Variants in TBC1D32 observed in about 807,000 individuals in gnomAD.
TBC1D32 encodes protein broad-minded.
In TBC1D32, 151 loss-of-function variants were observed where a neutral mutation model predicts 170.3. The observed-to-expected ratio is 0.89, with a 90% CI of 0.78 to 1.01. The LOEUF (loss-of-function observed/expected upper bound fraction) is 1.01. Ranked by LOEUF, TBC1D32 falls within the 50% of genes least tolerant of loss-of-function variation. TBC1D32 has a pLI of 0.00. For synonymous variants in TBC1D32, 498 were observed against 488.0 expected (o/e 1.02, Z -0.27); for missense variants, 1,464 against 1,457.1 (o/e 1.00, Z -0.08).
At chr6:121,190,098 ACACACACACACAC>A (rs1789767289) in intron 22 of TBC1D32, among the ~76,000 whole-genome samples, 5 of 142,628 alleles carry the variant, frequency 3.5e-5, no homozygotes, top group Non-Finnish European at 6.2e-5. Context: ...ACACACACAC[ACACACACACACAC>A]ACACACACAC....
At chr6:121,110,620 T>C (rs1214779883) in intron 29 of TBC1D32, among the ~76,000 whole-genome samples, 1 of 152,112 alleles carries the variant, frequency 6.6e-6, no homozygotes, top group Non-Finnish European at 1.5e-5. Flanking sequence ...TTTGTTCATA[T>C]TATCAAATTG....
chr6:121,088,566 A>G (rs111454415), intron 31 of TBC1D32, among the ~76,000 whole-genome samples: 1 of 152,182 alleles, frequency 6.6e-6, no homozygotes, highest in Non-Finnish European at 1.5e-5. Flanking sequence ...TACATATTTA[A>G]ATAAACTATA....
At position 121,115,152 on chromosome 6, in the gene TBC1D32, G is replaced by A. The variant is rs75699042; in HGVS notation, c.3053+20C>T. 2.7e-3 allele frequency: 4,254 copies of A among 1,564,330 alleles called. 108 individuals carry two copies. In the African/African-American group the frequency reaches 0.05, roughly 18 times the overall value. On this transcript the variant is annotated intron_variant, in intron 27 of 31. Transcript: ENST00000398212. ...ACAAATTCTAGAAATGCACAAGGGA[G>A]CTATTTCCCTATAATATACCTGACA...
intron 24 of TBC1D32, among the ~76,000 whole-genome samples, chr6:121,155,316 T>C (rs1228266404): frequency 2.0e-5 from 3 of 152,098 alleles, no homozygotes; most frequent in African/African-American, 7.2e-5. Flanking sequence ...TCTATACTGT[T>C]GTATAGAAAA....
chr6:121,171,285 TAAAAG>T (rs999241759), intron 22 of TBC1D32, among the ~76,000 whole-genome samples: 8 of 140,878 alleles, frequency 5.7e-5, no homozygotes, highest in Admixed American at 3.6e-4. Flanking sequence ...CAAAAAGTCT[TAAAAG>T]AAACAGAGAC....
At chr6:121,275,100 G>A (rs1334920895) in intron 15 of TBC1D32, among the ~76,000 whole-genome samples, 1 of 152,170 alleles carries the variant, frequency 6.6e-6, no homozygotes, top group East Asian at 1.9e-4. Context: ...TAAGTCGATT[G>A]CACAACAGTA....
chr6:121,233,079 T>C (rs1583319243), intron 20 of TBC1D32, among the ~76,000 whole-genome samples: 1 of 152,144 alleles, frequency 6.6e-6, no homozygotes, highest in African/African-American at 2.4e-5. Context: ...GAGTACCTGA[T>C]ATAATTTTGA....
In TBC1D32 at chr6:121,316,654, T is replaced by C. The variant is rs1808972130; in HGVS notation, c.495+841A>G. ...GCAATGCACAGCGACTTTTAAGTTA[T>C]GCTTCCACTATTTCCAAAACCAATT... is the stretch of plus-strand genomic sequence containing the variant. On this transcript the variant is annotated intron_variant, in intron 3 of 31. Coordinates refer to ENST00000398212, the MANE Select transcript of TBC1D32 (RefSeq NM_152730.6). Among the ~76,000 whole-genome samples, 4 of 152,288 alleles carry C rather than the reference T, an allele frequency of 2.6e-5. No homozygotes were observed. The South Asian group carries it at 6.2e-4, about 24-fold the overall frequency.
chr6:121,318,623 T>C (rs147784246), intron 2 of TBC1D32, among the ~76,000 whole-genome samples: 11 of 152,084 alleles, frequency 7.2e-5, no homozygotes, highest in Admixed American at 3.9e-4. Context: ...TCTGTCATCA[T>C]AAATAAGTTT....
At chr6:121,267,176 C>T (rs958195628) in intron 15 of TBC1D32, among the ~76,000 whole-genome samples, 13 of 146,750 alleles carry the variant, frequency 8.9e-5, no homozygotes, top group Non-Finnish European at 1.3e-4. Flanking sequence ...TGAATAGGAA[C>T]AGCTCCAGTC....
In TBC1D32 at chr6:121,080,221, T is replaced by A. The variant is rs1460258796; in HGVS notation, c.*550A>T. ...AAGGAGATGTAAGTTGGGACTTTTT[T>A]TTTTTTTTTTTTTTTGAGACAGAGT... On this transcript the variant is annotated 3_prime_UTR_variant, in exon 32 of 32. Coordinates refer to ENST00000398212, the MANE Select transcript of TBC1D32 (RefSeq NM_152730.6). 6.7e-6 allele frequency: 1 copy of A among 149,896 alleles called. No individual in the cohort carries two copies. Among genetic ancestry groups the A allele is most frequent in the Non-Finnish European group, 1.5e-5 (1 of 68,218 alleles). 9.3% of individuals were successfully genotyped at this position (149,896 alleles called of 1,614,324 possible).
chr6:121,118,185 G>A (rs1198346386), intron 26 of TBC1D32, among the ~76,000 whole-genome samples: 3 of 152,068 alleles, frequency 2.0e-5, no homozygotes, highest in African/African-American at 7.2e-5. Flanking sequence ...AGATGGAGAA[G>A]AAAACAGACA....
chr6:121,281,326 T>C (rs1315861892), intron 14 of TBC1D32, among the ~76,000 whole-genome samples: 1 of 151,410 alleles, frequency 6.6e-6, no homozygotes, highest in East Asian at 1.9e-4. Flanking sequence ...AAAAAAAACT[T>C]AGATATTCTA....
In TBC1D32 at chr6:121,306,732, C is replaced by T. The variant is rs147949099; in HGVS notation, c.690+1244G>A. On this transcript the variant is annotated intron_variant, in intron 5 of 31. Transcript: ENST00000398212. ...ACTGCACTTGTTAATGTAAAGCTTA[C>T]TTTTCATCATATGATAACTGTTCCT... Among the ~76,000 whole-genome samples the T allele has an allele frequency of 8.5e-4, 130 of 152,272 alleles. 1 individual carries two copies. The highest frequency in any genetic ancestry group is 2.8e-3 in the African/African-American group (117 of 41,562).
At chr6:121,101,325 G>A (rs1362076510) in intron 30 of TBC1D32, among the ~76,000 whole-genome samples, 1 of 152,078 alleles carries the variant, frequency 6.6e-6, no homozygotes, top group African/African-American at 2.4e-5. Flanking sequence ...GAACATGGAT[G>A]CAAAAATCCT....
chr6:121,112,541 A>G lies in TBC1D32; in HGVS notation c.3288T>C (p.Thr1096=). ...GCCTTGGCAACCAAAGAAAAGCAGAAGTCAGAAGCCTGGAGAATTGATGAA... is the reference window on the plus strand; with the variant it reads ...GCCTTGGCAACCAAAGAAAAGCAGAGGTCAGAAGCCTGGAGAATTGATGAA... ...QFLHQFSRLL[T]SAFLWLPRLH... Residue 1096 remains threonine, a synonymous_variant, in exon 29 of 32, where the codon ACT becomes ACC. Coordinates refer to ENST00000398212, the MANE Select transcript of TBC1D32 (RefSeq NM_152730.6). The G allele has an allele frequency of 6.2e-7, 1 of 1,610,564 alleles. No homozygotes were observed. The highest frequency in any genetic ancestry group is 8.5e-7 in the Non-Finnish European group (1 of 1,177,824).
intron 27 of TBC1D32, 74 bp from the exon 28 acceptor site, chr6:121,113,251 A>C: frequency 2.1e-6 from 2 of 954,058 alleles, no homozygotes; most frequent in South Asian, 1.5e-5. Context: ...TTCTTTTAGC[A>C]TAACTATGTT....
intron 15 of TBC1D32, among the ~76,000 whole-genome samples, chr6:121,269,597 C>T (rs573899697): frequency 6.6e-6 from 1 of 152,220 alleles, no homozygotes; most frequent in East Asian, 1.9e-4. Flanking sequence ...TACAGGAGCA[C>T]CCAGATTCAT....
rs186917738 is a variant in TBC1D32 at position 121,258,395 on chromosome 6, T to C, written c.1734-2110A>G. 1.2e-4 allele frequency among the ~76,000 whole-genome samples: 19 copies of C among 152,256 alleles called. 1 individual carries two copies. The highest frequency in any genetic ancestry group is 3.4e-3 in the Middle Eastern group (1 of 290). ...TTGATATTTAAACTTACTAATCCCT[T>C]TGTTTGCAGCTTTTAAATACTGTGG... On this transcript the variant is annotated intron_variant, in intron 15 of 31. Transcript: ENST00000398212.
Sources: gnomAD v4.1 joint callset for allele counts (sites outside exome capture counted in the v4.1 genomes callset) on GRCh38, gnomAD v4.1.1 for gene constraint, MANE v1.5 for transcripts, NCBI Gene and HGNC (gene_info 2026-07-23, HGNC 2026-07-21) for gene names.